The following TMEM117 variants were observed in gnomAD, a reference collection of about 807,000 sequenced individuals.
TMEM117 encodes the protein transmembrane protein 117.
In TMEM117, 27 loss-of-function variants were observed where a neutral mutation model predicts 52.4. That is an observed-to-expected ratio of 0.51 (90% CI 0.38 to 0.71). TMEM117 has a LOEUF of 0.71. TMEM117 is among the 30% of genes least tolerant of loss of function. TMEM117 has a pLI of 0.00. For missense variants in TMEM117, 556 were observed against 630.5 expected (o/e 0.88, Z 1.26); for synonymous variants, 215 against 206.3 (o/e 1.04, Z -0.36).
At chr12:43,968,339 C>G (rs964863690) in intron 3 of TMEM117, among the ~76,000 whole-genome samples, 10 of 152,162 alleles carry the variant, frequency 6.6e-5, no homozygotes, top group Non-Finnish European at 2.9e-5. Context: ...AAGGACTAGC[C>G]TAATTGTAGC....
intron 2 of TMEM117, among the ~76,000 whole-genome samples, chr12:43,850,872 G>GTGATGATGATGATGA (rs146867925): frequency 1.3e-5 from 2 of 150,484 alleles, no homozygotes; most frequent in Non-Finnish European, 3.0e-5. Context: ...GATGATGATG[G>GTGATGATGATGATGA]TGATGATGAT....
intron 5 of TMEM117, among the ~76,000 whole-genome samples, chr12:44,244,855 G>A (rs542612063): frequency 6.6e-6 from 1 of 152,038 alleles, no homozygotes; most frequent in African/African-American, 2.4e-5. Flanking sequence ...AACTCACTCT[G>A]TGTTGACTTT....
chr12:44,238,048 G>C (rs1950019402), intron 5 of TMEM117, among the ~76,000 whole-genome samples: 1 of 152,146 alleles, frequency 6.6e-6, no homozygotes, highest in Admixed American at 6.6e-5. Context: ...AAAGAGCCAT[G>C]AAAGTAATTC....
chr12:43,947,383 G>A (rs1191936463), intron 3 of TMEM117, among the ~76,000 whole-genome samples: 1 of 152,104 alleles, frequency 6.6e-6, no homozygotes, highest in Non-Finnish European at 1.5e-5. Flanking sequence ...TATAAAAGAT[G>A]TATAATTAAC....
At chr12:44,287,419 A>C (rs1216366217) in intron 5 of TMEM117, among the ~76,000 whole-genome samples, 1 of 152,214 alleles carries the variant, frequency 6.6e-6, no homozygotes, top group African/African-American at 2.4e-5. Flanking sequence ...ACCCCCCAAG[A>C]AGTATGGTCC....
At chr12:44,288,563 T>C (rs911721894) in intron 5 of TMEM117, among the ~76,000 whole-genome samples, 3 of 152,144 alleles carry the variant, frequency 2.0e-5, no homozygotes, top group Admixed American at 1.3e-4. Context: ...AAGAGGTGAA[T>C]TGGTGCTGAT....
chr12:44,121,044 G>T (rs1948225905), intron 3 of TMEM117, among the ~76,000 whole-genome samples: 1 of 152,204 alleles, frequency 6.6e-6, no homozygotes, highest in South Asian at 2.1e-4. Context: ...AGAGGCACGT[G>T]TTACATGGTG....
intron 6 of TMEM117, among the ~76,000 whole-genome samples, chr12:44,309,060 A>T (rs1434516508): frequency 6.6e-6 from 1 of 152,240 alleles, no homozygotes; most frequent in African/African-American, 2.4e-5. Flanking sequence ...AAGCCAGTAT[A>T]ACAATCCTCT....
intron 2 of TMEM117, among the ~76,000 whole-genome samples, chr12:43,925,368 A>G (rs1944762601): frequency 6.6e-6 from 1 of 152,060 alleles, no homozygotes; most frequent in South Asian, 2.1e-4. Context: ...GTGCAACCCA[A>G]TTTCACTGAC....
chr12:43,970,720 C>A, intron 3 of TMEM117, among the ~76,000 whole-genome samples: 1 of 152,118 alleles, frequency 6.6e-6, no homozygotes, highest in Non-Finnish European at 1.5e-5. Context: ...TGGTTTCGGG[C>A]GTCCATTGGT....
the TMEM117 span, chr12:43,797,556 G>A: frequency 1.5e-6 from 2 of 1,371,148 alleles, no homozygotes; most frequent in Non-Finnish European, 2.0e-6. Context: ...CTTAGTTCTG[G>A]ATGGTTTGAC....
At chr12:44,094,235 A>G (rs1947719703) in intron 3 of TMEM117, among the ~76,000 whole-genome samples, 1 of 152,150 alleles carries the variant, frequency 6.6e-6, no homozygotes, top group Non-Finnish European at 1.5e-5. Context: ...GACAGAATAT[A>G]GATCATAGTA....
the TMEM117 span, among the ~76,000 whole-genome samples, chr12:43,814,926 G>A: frequency 6.6e-6 from 1 of 151,678 alleles, no homozygotes; most frequent in Non-Finnish European, 1.5e-5. Context: ...TTTATTTTTA[G>A]TAGAGACGGG....
chr12:44,090,253 G>A (rs1189146221), intron 3 of TMEM117, among the ~76,000 whole-genome samples: 3 of 151,854 alleles, frequency 2.0e-5, no homozygotes, highest in Non-Finnish European at 4.4e-5. Context: ...CTGAGGTTTG[G>A]GCTTCTACTT....
At chr12:44,025,991 T>C (rs1946527705) in intron 3 of TMEM117, among the ~76,000 whole-genome samples, 1 of 152,178 alleles carries the variant, frequency 6.6e-6, no homozygotes, top group African/African-American at 2.4e-5. Context: ...AAGATGACTG[T>C]AGTTGTCAGC....
At chr12:44,291,862 T>G (rs1240884535) in intron 5 of TMEM117, among the ~76,000 whole-genome samples, 1 of 152,076 alleles carries the variant, frequency 6.6e-6, no homozygotes, top group Non-Finnish European at 1.5e-5. Context: ...ATGGTATTCT[T>G]TTAAAGTGTT....
intron 2 of TMEM117, among the ~76,000 whole-genome samples, chr12:43,845,207 TC>T (rs1219853484): frequency 6.6e-6 from 1 of 152,076 alleles, no homozygotes; most frequent in Non-Finnish European, 1.5e-5. Flanking sequence ...ACGCCAGTAA[TC>T]CCACCAATTT....
chr12:44,313,838 C>T (rs192112537), intron 6 of TMEM117, among the ~76,000 whole-genome samples: 37 of 151,862 alleles, frequency 2.4e-4, no homozygotes, highest in Middle Eastern at 6.8e-3. Context: ...TGGTTGTATT[C>T]CTAGGTACTT....
intron 5 of TMEM117, among the ~76,000 whole-genome samples, chr12:44,276,194 C>T (rs1455604301): frequency 2.0e-5 from 3 of 152,124 alleles, no homozygotes; most frequent in Non-Finnish European, 4.4e-5. Context: ...CTGCCATGTT[C>T]ATTGCAGTAG....
Sources: gnomAD v4.1 joint callset for allele counts (sites outside exome capture counted in the v4.1 genomes callset) on GRCh38, gnomAD v4.1.1 for gene constraint, MANE v1.5 for transcripts, NCBI Gene and HGNC (gene_info 2026-07-23, HGNC 2026-07-21) for gene names.